The following MTA3 variants were observed in gnomAD, a reference collection of about 807,000 sequenced individuals.
The protein encoded by MTA3 is metastasis-associated protein MTA3.
Under a neutral mutation model 83.5 loss-of-function variants are expected in MTA3, and 34 were observed. That is an observed-to-expected ratio of 0.41 (90% confidence interval 0.31 to 0.54). The LOEUF (loss-of-function observed/expected upper bound fraction) is 0.54, where lower values mean the gene tolerates loss of function less well. Among genes scored for constraint, MTA3 ranks in the 20% least tolerant of loss-of-function variants. The probability of loss-of-function intolerance (pLI) is 0.33; values close to 1 mark genes in which losing one functional copy is unlikely to be tolerated. For synonymous variants in MTA3, 303 were observed against 252.7 expected (o/e 1.20, Z -1.89); for missense variants, 761 against 726.4 (o/e 1.05, Z -0.55).
At chr2:42,659,731 A>G (rs1216640389) in intron 7 of MTA3, 32 bp from the exon 8 acceptor site, 2 of 1,440,468 alleles carry the variant, frequency 1.4e-6, no homozygotes, top group African/African-American at 2.9e-5. Context: ...CAGATACTTA[A>G]TTCTTCCTTA....
intron 16 of MTA3, among the ~76,000 whole-genome samples, chr2:42,729,051 C>T (rs34963870): frequency 3.5e-5 from 4 of 114,800 alleles, no homozygotes; most frequent in Admixed American, 9.2e-5. Context: ...TAGAAAGTTT[C>T]TCCAGTGTTT....
At chr2:42,573,785 A>G (rs1285325704) in intron 2 of MTA3, among the ~76,000 whole-genome samples, 1 of 152,072 alleles carries the variant, frequency 6.6e-6, no homozygotes. Context: ...TGCTGAGATT[A>G]CAGGCGTGAG....
chr2:42,674,801 G>A (rs1691184167), intron 8 of MTA3, among the ~76,000 whole-genome samples: 1 of 151,674 alleles, frequency 6.6e-6, no homozygotes, highest in South Asian at 2.1e-4. Context: ...GTTTCACCAT[G>A]TTGGCCAGGA....
intron 9 of MTA3, 101 bp from the exon 10 acceptor site, chr2:42,695,664 A>AG: frequency 2.4e-6 from 1 of 424,178 alleles, no homozygotes; most frequent in South Asian, 3.2e-5. Flanking sequence ...AAAAAAAAGA[A>AG]AGTGGTGGTT....
chr2:42,680,586 A>C (rs1300989617), intron 8 of MTA3, among the ~76,000 whole-genome samples: 2 of 152,158 alleles, frequency 1.3e-5, no homozygotes, highest in Non-Finnish European at 2.9e-5. Flanking sequence ...ACTTTGCAGC[A>C]CCCATGTGCT....
chr2:42,502,538 C>T (rs1674442429), intron 2 of MTA3, among the ~76,000 whole-genome samples: 1 of 152,040 alleles, frequency 6.6e-6, no homozygotes, highest in African/African-American at 2.4e-5. Flanking sequence ...GCGGCTCATG[C>T]CTGTACTCCC....
chr2:42,535,858 C>T (rs1676206177), intron 2 of MTA3, among the ~76,000 whole-genome samples: 1 of 146,270 alleles, frequency 6.8e-6, no homozygotes, highest in Admixed American at 6.8e-5. Flanking sequence ...GTGGCTCATG[C>T]CTGTAATCCT....
intron 2 of MTA3, among the ~76,000 whole-genome samples, chr2:42,537,744 G>A (rs550900533): frequency 1.3e-5 from 2 of 152,268 alleles, no homozygotes; most frequent in East Asian, 1.9e-4. Flanking sequence ...CATTATTCAG[G>A]AAATTGGAGC....
intron 6 of MTA3, among the ~76,000 whole-genome samples, chr2:42,654,729 C>T (rs1689008387): frequency 6.6e-6 from 1 of 152,162 alleles, no homozygotes; most frequent in African/African-American, 2.4e-5. Flanking sequence ...GCCTTTCCAC[C>T]TCAGCTTCCT....
At chr2:42,584,987 A>T (rs897725482) in intron 3 of MTA3, among the ~76,000 whole-genome samples, 13 of 151,222 alleles carry the variant, frequency 8.6e-5, no homozygotes, top group Non-Finnish European at 1.9e-4. Context: ...GCTTGAGTGC[A>T]GTGGCACAAT....
intron 1 of MTA3, among the ~76,000 whole-genome samples, 156 bp from the exon 2 acceptor site, chr2:42,570,281 A>G (rs1386446317): frequency 6.6e-6 from 1 of 152,240 alleles, no homozygotes; most frequent in African/African-American, 2.4e-5. Context: ...GGCACGTGAG[A>G]GGATATATTA....
chr2:42,576,522 C>G (rs1161212640), intron 2 of MTA3, among the ~76,000 whole-genome samples: 1 of 152,130 alleles, frequency 6.6e-6, no homozygotes, highest in Non-Finnish European at 1.5e-5. Flanking sequence ...CCCAGCTGCT[C>G]GAGAGGCTGA....
chr2:42,662,223 C>T (rs889244553), intron 8 of MTA3, among the ~76,000 whole-genome samples: 1 of 151,974 alleles, frequency 6.6e-6, no homozygotes, highest in African/African-American at 2.4e-5. Context: ...GCTTTCAAAA[C>T]GTTTTTCTTT....
intron 8 of MTA3, chr2:42,679,993 TATATA>T: frequency 6.6e-6 from 1 of 152,280 alleles, no homozygotes; most frequent in East Asian, 1.9e-4. Context: ...TAGAAAAGAT[TATATA>T]ATATACAAAC....
At chr2:42,528,106 T>C (rs1675801314) in intron 2 of MTA3, among the ~76,000 whole-genome samples, 1 of 151,750 alleles carries the variant, frequency 6.6e-6, no homozygotes, top group South Asian at 2.1e-4. Context: ...TTTGTATTTT[T>C]AGTAGAGACA....
intron 3 of MTA3, among the ~76,000 whole-genome samples, chr2:42,591,356 C>CAGTG (rs1680968768): frequency 6.6e-6 from 1 of 152,320 alleles, no homozygotes; most frequent in South Asian, 2.1e-4. Context: ...TGAAGTGAGT[C>CAGTG]AGTGAGTGAG....
chr2:42,611,322 T>TATACACACACACACACAC (rs1553361010), intron 4 of MTA3, among the ~76,000 whole-genome samples: 9 of 16,062 alleles, frequency 5.6e-4, no homozygotes, highest in African/African-American at 2.0e-3. Context: ...ACTTAACACA[T>TATACACACACACACACAC]ACACACACAC....
intron 16 of MTA3, among the ~76,000 whole-genome samples, chr2:42,742,774 AT>A: frequency 6.6e-6 from 1 of 152,344 alleles, no homozygotes; most frequent in African/African-American, 2.4e-5. Flanking sequence ...GATATCAACC[AT>A]TTTTATAGTC....
intron 3 of MTA3, among the ~76,000 whole-genome samples, chr2:42,593,170 T>C (rs2103948927): frequency 1.3e-5 from 1 of 76,796 alleles, no homozygotes; most frequent in African/African-American, 6.1e-5. Context: ...AAAAATTAAA[T>C]AGAATTAAAA....
Sources: gnomAD v4.1 joint callset for allele counts (sites outside exome capture counted in the v4.1 genomes callset) on GRCh38, gnomAD v4.1.1 for gene constraint, MANE v1.5 for transcripts, NCBI Gene and HGNC (gene_info 2026-07-23, HGNC 2026-07-21) for gene names.